The following RAB39A variants were observed in gnomAD, a reference collection of about 807,000 sequenced individuals.
RAB39A encodes the protein RAB39A, member RAS oncogene family, also known as ras-related protein Rab-39A.
A neutral mutation model predicts 20.9 loss-of-function variants in RAB39A; 17 were observed. The ratio of observed to expected loss-of-function variants is 0.81; its 90% confidence interval spans 0.56 to 1.22. RAB39A has a LOEUF of 1.22. Ranked by LOEUF, RAB39A falls within the 50% of genes most tolerant of loss-of-function variation. RAB39A has a pLI of 0.00. For synonymous variants in RAB39A, 99 were observed against 103.4 expected, an observed-to-expected ratio of 0.96 and a Z score of 0.26; for missense variants, 234 against 270.5, an observed-to-expected ratio of 0.87 and a Z score of 0.95.
intron 1 of RAB39A, among the ~76,000 whole-genome samples, chr11:107,945,930 ACT>A (rs1708186731): frequency 6.6e-6 from 1 of 152,022 alleles, no homozygotes; most frequent in African/African-American, 2.4e-5. Flanking sequence ...CCCTTTCTCC[ACT>A]CAGCTCCTCA....
chr11:107,952,877 G>A (rs527883878), intron 1 of RAB39A, among the ~76,000 whole-genome samples: 7 of 152,174 alleles, frequency 4.6e-5, no homozygotes, highest in South Asian at 4.2e-4. Context: ...ACGAGACTCC[G>A]TCTCAAAAAA....
chr11:107,946,400 G>A (rs1292040670), intron 1 of RAB39A, among the ~76,000 whole-genome samples: 3 of 12,166 alleles, frequency 2.5e-4, no homozygotes, highest in Non-Finnish European at 4.2e-4. Flanking sequence ...GTATATATGT[G>A]TGTGTGTGTG....
At chr11:107,933,591 C>G (rs957164221) in intron 1 of RAB39A, among the ~76,000 whole-genome samples, 3 of 151,242 alleles carry the variant, frequency 2.0e-5, no homozygotes, top group African/African-American at 4.9e-5. Context: ...AAGCTGGTCT[C>G]GAACACCTGA....
intron 1 of RAB39A, among the ~76,000 whole-genome samples, chr11:107,945,468 T>TAGG (rs1861299398): frequency 6.6e-6 from 1 of 151,524 alleles, no homozygotes; most frequent in Non-Finnish European, 1.5e-5. Context: ...GGAAAACAGG[T>TAGG]AGGAGCCAAG....
chr11:107,961,902 G>C, intron 1 of RAB39A, 44 bp from the exon 2 acceptor site: 4 of 1,449,908 alleles, frequency 2.8e-6, no homozygotes, highest in Non-Finnish European at 2.8e-6. Flanking sequence ...AGAAGAAAAA[G>C]AACAAGTTGT....
At chr11:107,930,289 A>G (rs1861122614) in intron 1 of RAB39A, among the ~76,000 whole-genome samples, 1 of 152,154 alleles carries the variant, frequency 6.6e-6, no homozygotes, top group East Asian at 1.9e-4. Context: ...TTGATTCCTC[A>G]TCTGTAAAAT....
In RAB39A at chr11:107,956,002, G is replaced by A. The variant is rs972507720; in HGVS notation, c.228-5944G>A. On this transcript the variant is annotated intron_variant, in intron 1 of 1. Coordinates refer to ENST00000320578, the MANE Select transcript of RAB39A (RefSeq NM_017516.3). ...CCCTTCCCCCAAGAAACTTCACAGA[G>A]ATTGCTGGCTACTGTATTTTCATTG... Among the ~76,000 whole-genome samples the A allele has an allele frequency of 3.9e-5, 6 of 151,976 alleles. No homozygotes were observed. In the East Asian group the frequency reaches 1.2e-3, roughly 30 times the overall value.
At chr11:107,930,977 CTT>C (rs752665818) in intron 1 of RAB39A, among the ~76,000 whole-genome samples, 8 of 141,882 alleles carry the variant, frequency 5.6e-5, no homozygotes, top group Admixed American at 7.1e-5. Context: ...TGTTTTTTAA[CTT>C]TTTTTTTTTT....
At chr11:107,952,725 C>CA (rs1359135705) in intron 1 of RAB39A, among the ~76,000 whole-genome samples, 8 of 148,222 alleles carry the variant, frequency 5.4e-5, no homozygotes, top group Non-Finnish European at 1.0e-4. Flanking sequence ...ACTAAAAATA[C>CA]AAAAAAAATT....
chr11:107,954,489 G>A lies in RAB39A; in HGVS notation c.228-7457G>A, dbSNP rs532319879. Among the ~76,000 whole-genome samples, 82 of 152,258 alleles carry A rather than the reference G, an allele frequency of 5.4e-4. 3 individuals are homozygous for A. The South Asian group carries it at 0.017, about 31-fold the overall frequency. On this transcript the variant is annotated intron_variant, in intron 1 of 1. Transcript: ENST00000320578. The stretch of plus-strand genomic sequence containing the variant: ...TGCCAAACCCTTCGCGTCTGCTCAT[G>A]ACTTGGTGTGGATCTTTACCTACGT...
At chr11:107,938,091 G>A (rs1317346292) in intron 1 of RAB39A, among the ~76,000 whole-genome samples, 1 of 151,958 alleles carries the variant, frequency 6.6e-6, no homozygotes, top group South Asian at 2.1e-4. Context: ...GGCCAGGCAT[G>A]GTGGCTCACG....
chr11:107,950,095 G>A (rs1338792629), intron 1 of RAB39A, among the ~76,000 whole-genome samples: 1 of 151,884 alleles, frequency 6.6e-6, no homozygotes, highest in African/African-American at 2.4e-5. Flanking sequence ...CAGGAGAATG[G>A]CATGAACCCA....
chr11:107,943,107 A>C (rs1416480695), intron 1 of RAB39A, among the ~76,000 whole-genome samples: 1 of 152,204 alleles, frequency 6.6e-6, no homozygotes, highest in Non-Finnish European at 1.5e-5. Flanking sequence ...TTAACACTGA[A>C]GTGGAGAAAC....
chr11:107,948,945 C>T (rs377136776), intron 1 of RAB39A, among the ~76,000 whole-genome samples: 8 of 152,184 alleles, frequency 5.3e-5, no homozygotes, highest in African/African-American at 1.9e-4. Context: ...CTTTTCCTTC[C>T]GGTTAATTAT....
At chr11:107,959,055 G>C (rs1005647905) in intron 1 of RAB39A, among the ~76,000 whole-genome samples, 1 of 151,950 alleles carries the variant, frequency 6.6e-6, no homozygotes, top group Non-Finnish European at 1.5e-5. Context: ...AGGAGGCAGA[G>C]GTTGCAGTGA....
At chr11:107,950,588 G>A (rs960556821) in intron 1 of RAB39A, among the ~76,000 whole-genome samples, 4 of 152,014 alleles carry the variant, frequency 2.6e-5, no homozygotes, top group African/African-American at 4.8e-5. Flanking sequence ...GCAACATGGC[G>A]AAACTTCGTC....
At chr11:107,952,008 T>C (rs1466006163) in intron 1 of RAB39A, among the ~76,000 whole-genome samples, 3 of 152,198 alleles carry the variant, frequency 2.0e-5, no homozygotes, top group African/African-American at 7.2e-5. Flanking sequence ...TAAGTAATCT[T>C]TGTAAATGTA....
chr11:107,959,820 C>T (rs1318037832), intron 1 of RAB39A, among the ~76,000 whole-genome samples: 1 of 152,194 alleles, frequency 6.6e-6, no homozygotes, highest in Non-Finnish European at 1.5e-5. Flanking sequence ...GGCAAGTAGT[C>T]AGATGAGTTT....
intron 1 of RAB39A, among the ~76,000 whole-genome samples, chr11:107,931,967 C>T (rs1255070194): frequency 6.8e-6 from 1 of 147,338 alleles, no homozygotes; most frequent in Admixed American, 7.0e-5. Context: ...TCAAGCAATT[C>T]TCCTGCCTCA....
Sources: allele counts gnomAD v4.1 joint callset (sites outside exome capture counted in the v4.1 genomes callset), GRCh38; gene constraint gnomAD v4.1.1; transcripts MANE v1.5; gene names NCBI Gene and HGNC (gene_info 2026-07-23, HGNC 2026-07-21).